Variants in TMTC2 observed in about 807,000 individuals in gnomAD.
The protein encoded by TMTC2 is transmembrane O-mannosyltransferase targeting cadherins 2.
Under a neutral mutation model 82.4 loss-of-function variants are expected in TMTC2, and 43 were observed. The ratio of observed to expected loss-of-function variants is 0.52; its 90% CI spans 0.41 to 0.67. The LOEUF (loss-of-function observed/expected upper bound fraction) is 0.67. Ranked by LOEUF, TMTC2 falls within the 30% of genes least tolerant of loss-of-function variation. The pLI, the probability that TMTC2 is intolerant of heterozygous loss-of-function variation, is 0.00. For missense variants in TMTC2, 919 were observed against 1,012.4 expected (o/e 0.91, Z 1.25); for synonymous variants, 408 against 381.9 (o/e 1.07, Z -0.80).
chr12:82,765,410 C>T (rs1400895329), intron 1 of TMTC2, among the ~76,000 whole-genome samples: 1 of 152,144 alleles, frequency 6.6e-6, no homozygotes, highest in Non-Finnish European at 1.5e-5. Flanking sequence ...CGCGGCAGCT[C>T]GTGCCTGTAA....
At chr12:82,737,256 G>A (rs1340194885) in intron 1 of TMTC2, among the ~76,000 whole-genome samples, 1 of 152,146 alleles carries the variant, frequency 6.6e-6, no homozygotes, top group East Asian at 1.9e-4. Context: ...AAGTTTAGCA[G>A]TAATTTAGCC....
chr12:83,112,615 A>G (rs1036789419), intron 11 of TMTC2, among the ~76,000 whole-genome samples: 1 of 152,230 alleles, frequency 6.6e-6, no homozygotes, highest in Admixed American at 6.5e-5. Context: ...ATTAGATAGT[A>G]AAGTATTCAT....
At chr12:83,111,487 T>A (rs1884597874) in intron 11 of TMTC2, among the ~76,000 whole-genome samples, 2 of 152,338 alleles carry the variant, frequency 1.3e-5, no homozygotes, top group South Asian at 4.1e-4. Context: ...GATGTATTCT[T>A]CTTTTGAGGG....
At chr12:82,942,897 T>C (rs1324278260) in intron 4 of TMTC2, among the ~76,000 whole-genome samples, 1 of 152,214 alleles carries the variant, frequency 6.6e-6, no homozygotes, top group African/African-American at 2.4e-5. Flanking sequence ...TTTTATGCTG[T>C]TTAGAATCAT....
At chr12:82,720,905 G>C (rs902971635) in intron 1 of TMTC2, among the ~76,000 whole-genome samples, 1 of 152,138 alleles carries the variant, frequency 6.6e-6, no homozygotes, top group African/African-American at 2.4e-5. Context: ...CAATGGCCTG[G>C]TTGAAAAAAC....
intron 1 of TMTC2, among the ~76,000 whole-genome samples, chr12:82,728,118 T>C (rs1874557935): frequency 6.6e-6 from 1 of 151,936 alleles, no homozygotes; most frequent in South Asian, 2.1e-4. Flanking sequence ...TTGCGCACAT[T>C]AGAATAGCTG....
At chr12:82,889,992 A>G (rs1267863592) in intron 2 of TMTC2, among the ~76,000 whole-genome samples, 1 of 152,172 alleles carries the variant, frequency 6.6e-6, no homozygotes. Context: ...TTTCCAAGTC[A>G]TACATGATAC....
chr12:83,093,459 G>T (rs1414902537), intron 11 of TMTC2, among the ~76,000 whole-genome samples: 1 of 151,314 alleles, frequency 6.6e-6, no homozygotes, highest in South Asian at 2.1e-4. Context: ...CACTGTGAAT[G>T]AATTTCCCAA....
chr12:82,821,088 G>A (rs1377684630), intron 1 of TMTC2, among the ~76,000 whole-genome samples: 1 of 151,970 alleles, frequency 6.6e-6, no homozygotes, highest in East Asian at 1.9e-4. Flanking sequence ...TGAACTCCTG[G>A]CCTCAAGCCA....
At chr12:82,801,506 G>T (rs1216333118) in intron 1 of TMTC2, among the ~76,000 whole-genome samples, 3 of 152,246 alleles carry the variant, frequency 2.0e-5, no homozygotes, top group Admixed American at 1.3e-4. Flanking sequence ...CTGCTGATTG[G>T]TCCATTTTAC....
At chr12:82,876,996 A>G (rs1402313876) in intron 2 of TMTC2, among the ~76,000 whole-genome samples, 1 of 152,124 alleles carries the variant, frequency 6.6e-6, no homozygotes, top group East Asian at 1.9e-4. Flanking sequence ...CTTCTCTCCA[A>G]ATTGGCTAAT....
intron 4 of TMTC2, among the ~76,000 whole-genome samples, chr12:82,947,790 G>A (rs1432956840): frequency 6.6e-6 from 1 of 152,126 alleles, no homozygotes; most frequent in Admixed American, 6.6e-5. Flanking sequence ...AGGGTAGAAT[G>A]AATAGAAAAG....
At chr12:82,761,259 A>T (rs947559894) in intron 1 of TMTC2, among the ~76,000 whole-genome samples, 2 of 152,216 alleles carry the variant, frequency 1.3e-5, no homozygotes, top group African/African-American at 4.8e-5. Context: ...ATTGGACTAA[A>T]TGTTAAAGGA....
chr12:82,842,052 C>T (rs933550922), intron 1 of TMTC2, among the ~76,000 whole-genome samples: 1 of 152,178 alleles, frequency 6.6e-6, no homozygotes, highest in African/African-American at 2.4e-5. Context: ...GCAAACACTT[C>T]TCACTGGAGA....
At chr12:82,700,974 C>T (rs1165412946) in intron 1 of TMTC2, among the ~76,000 whole-genome samples, 1 of 152,116 alleles carries the variant, frequency 6.6e-6, no homozygotes, top group Non-Finnish European at 1.5e-5. Context: ...ATAAAACCAT[C>T]AGATCTCGTG....
chr12:83,095,909 G>GTTC lies in TMTC2; in HGVS notation c.2331+34078_2331+34079insTTC, dbSNP rs1160880549. Among the ~76,000 whole-genome samples, 25 of 152,128 alleles carry GTTC rather than the reference G, an allele frequency of 1.6e-4. 1 individual carries two copies. Among genetic ancestry groups the GTTC allele is most frequent in the Non-Finnish European group, 8.8e-5 (6 of 68,022 alleles). On this transcript the variant is annotated intron_variant, in intron 11 of 11. Coordinates refer to ENST00000321196, the MANE Select transcript of TMTC2 (RefSeq NM_152588.3). ...GAAATGGAAGTTTAAGCTCAGATGA[G>GTTC]GAAGACTGCTTCTAGATCTGAAGTC...
intron 1 of TMTC2, among the ~76,000 whole-genome samples, chr12:82,761,951 CTTTCCTTTCCCTTTCCTT>C (rs1186451262): frequency 8.3e-6 from 1 of 120,256 alleles, no homozygotes; most frequent in African/African-American, 3.1e-5. Context: ...TCTTTCTTTC[CTTTCCTTTCCCTTTCCTT>C]TTTTTTTTTT....
At position 83,132,385 on chromosome 12, in the gene TMTC2, C is replaced by T; in HGVS notation, c.2507C>T (p.Thr836Ile). 1.9e-6 allele frequency: 3 copies of T among 1,613,316 alleles called. No homozygotes were observed. Among genetic ancestry groups the T allele is most frequent in the South Asian group, 2.2e-5 (2 of 90,898 alleles). ...AAACAAGGCTTAAAGACTTCTAAGA[C>T]CTGACACAGGAGGCAGAAGCCCATC... The part of the protein sequence containing the change: ...MEKQGLKTSK[T>I] Residue 836 changes from threonine to isoleucine, a missense_variant, in exon 12 of 12, where the codon ACC (threonine) becomes ATC (isoleucine). Coordinates refer to ENST00000321196, the MANE Select transcript of TMTC2 (RefSeq NM_152588.3).
At chr12:82,884,186 A>T (rs1872974539) in intron 2 of TMTC2, among the ~76,000 whole-genome samples, 1 of 152,184 alleles carries the variant, frequency 6.6e-6, no homozygotes, top group Admixed American at 6.5e-5. Context: ...GTACGCAAGA[A>T]ATTGCTCACT....
Sources: gnomAD v4.1 joint callset for allele counts (sites outside exome capture counted in the v4.1 genomes callset) on GRCh38, gnomAD v4.1.1 for gene constraint, MANE v1.5 for transcripts, NCBI Gene and HGNC (gene_info 2026-07-23, HGNC 2026-07-21) for gene names.